The following DNAH10 variants were observed in gnomAD, a reference collection of about 807,000 sequenced individuals.
The protein encoded by DNAH10 is dynein axonemal heavy chain 10, also known as axonemal beta dynein heavy chain 10.
Under a neutral mutation model 506.6 loss-of-function variants are expected in DNAH10, and 348 were observed. The ratio of observed to expected loss-of-function variants is 0.69; its 90% CI spans 0.63 to 0.75. The LOEUF (loss-of-function observed/expected upper bound fraction) is 0.75, where lower values mean the gene tolerates loss of function less well. Ranked by LOEUF, DNAH10 falls within the 30% of genes least tolerant of loss-of-function variation. DNAH10 has a pLI of 0.00. For missense variants in DNAH10, 5,179 were observed against 5,787.1 expected, an observed-to-expected ratio of 0.89 and a Z score of 3.41; for synonymous variants, 2,059 against 2,198.6, an observed-to-expected ratio of 0.94 and a Z score of 1.78.
rs1404135426 is a variant in DNAH10, at chr12:123,907,218, A to G, written c.9816-2043A>G. ...GTTGGGACCTGACCTAGTCATGGTCATGGAGGGCGGAGGGGGCACCTTCTC... is the reference window on the plus strand; with the variant it reads ...GTTGGGACCTGACCTAGTCATGGTCGTGGAGGGCGGAGGGGGCACCTTCTC... On this transcript the variant is annotated intron_variant, in intron 57 of 78. Coordinates refer to ENST00000673944, the MANE Select transcript of DNAH10 (RefSeq NM_001372106.1). The surrounding 1 kb of genome is among the most constrained non-coding windows in gnomAD (Gnocchi z 4.4). Among the ~76,000 whole-genome samples the G allele has an allele frequency of 3.3e-5, 5 of 152,238 alleles. No individual in the cohort carries two copies. The highest frequency in any genetic ancestry group is 1.3e-4 in the Admixed American group (2 of 15,286).
At chr12:123,874,256 A>AGTCT (rs1187364701) in intron 46 of DNAH10, among the ~76,000 whole-genome samples, 3 of 135,100 alleles carry the variant, frequency 2.2e-5, no homozygotes, top group Non-Finnish European at 4.7e-5. Context: ...GCAAAGCCAG[A>AGTCT]GTCCGTCCGT....
rs139926493 is a variant in DNAH10, at chr12:123,785,356, T to C, written c.1231-390T>C. ...TAATGTGCTTATTGTCAATTTCATATTGTTGGTGAAATGTCTGTTTTAATC... is the reference window on the plus strand; with the variant it reads ...TAATGTGCTTATTGTCAATTTCATACTGTTGGTGAAATGTCTGTTTTAATC... On this transcript the variant is annotated intron_variant, in intron 8 of 78. Transcript: ENST00000673944. This position sits in a 1 kb window ranked among gnomAD's most constrained non-coding sequence, Gnocchi z 4.1. 3.3e-5 allele frequency among the ~76,000 whole-genome samples: 5 copies of C among 152,356 alleles called. No homozygotes were observed. In the East Asian group the frequency reaches 9.6e-4, roughly 29 times the overall value.
chr12:123,797,211 G>A (rs1490858672), intron 13 of DNAH10, among the ~76,000 whole-genome samples: 3 of 151,988 alleles, frequency 2.0e-5, no homozygotes, highest in South Asian at 2.1e-4. Flanking sequence ...TGCCCTCCCC[G>A]ATCCCATCCA....
intron 6 of DNAH10, among the ~76,000 whole-genome samples, chr12:123,781,798 T>C (rs1350954693): frequency 6.6e-6 from 1 of 152,140 alleles, no homozygotes; most frequent in Non-Finnish European, 1.5e-5. Context: ...TTTTTCTTCA[T>C]TGTTTTCTAG....
chr12:123,840,104 C>T (rs1950714589), intron 29 of DNAH10, among the ~76,000 whole-genome samples: 1 of 151,894 alleles, frequency 6.6e-6, no homozygotes, highest in South Asian at 2.1e-4. Flanking sequence ...TACGTAGCAT[C>T]CCTGACCACA....
At chr12:123,870,329 T>C (rs1255795631) in intron 43 of DNAH10, 37 bp from the exon 44 acceptor site, 1 of 1,600,782 alleles carries the variant, frequency 6.2e-7, no homozygotes, top group Non-Finnish European at 8.5e-7. Flanking sequence ...ATTTCCGTGT[T>C]TATGATTCAA....
chr12:123,898,934 G>A, intron 56 of DNAH10, 120 bp downstream of exon 56: 14 of 1,396,478 alleles, frequency 1.0e-5, no homozygotes, highest in Non-Finnish European at 1.3e-5. Flanking sequence ...GGCCGTCCCT[G>A]TGAAACTGCT....
chr12:123,773,141 G>A (rs1158002822), intron 4 of DNAH10, among the ~76,000 whole-genome samples, 199 bp downstream of exon 4: 1 of 152,250 alleles, frequency 6.6e-6, no homozygotes, highest in African/African-American at 2.4e-5. Flanking sequence ...ATAAAGAAAT[G>A]TATTCAGCCA....
At chr12:123,929,218 C>A in intron 70 of DNAH10, 57 bp from the exon 71 acceptor site, 2 of 1,524,972 alleles carry the variant, frequency 1.3e-6, no homozygotes, top group Admixed American at 2.0e-5. Flanking sequence ...TGTGCACACT[C>A]TTCCAAGCTT....
intron 19 of DNAH10, 79 bp from the exon 20 acceptor site, chr12:123,813,085 T>C: frequency 1.0e-6 from 1 of 989,174 alleles, no homozygotes; most frequent in South Asian, 1.7e-5. Flanking sequence ...GCAAGACTTA[T>C]TACTGAATAC....
intron 17 of DNAH10, 112 bp from the exon 18 acceptor site, chr12:123,804,721 T>G (rs542926121): frequency 4.6e-4 from 442 of 956,660 alleles, no homozygotes; most frequent in Admixed American, 9.0e-4. Flanking sequence ...TGGGCTGAGG[T>G]TGGAGGCTGG....
rs780115917 is a variant in DNAH10 at position 123,808,837 on chromosome 12, C to T, written c.3028C>T (p.Pro1010Ser). 6.2e-7 allele frequency: 1 copy of T among 1,614,084 alleles called. No individual in the cohort carries two copies. Among genetic ancestry groups the T allele is most frequent in the Non-Finnish European group, 8.5e-7 (1 of 1,180,004 alleles). The change falls in exon 19 of 79, where the codon CCT (proline) becomes TCT (serine). Residue 1010 changes from proline to serine, a missense_variant. Transcript: ENST00000673944. The part of the protein sequence containing the change: ...SFNSLILGNV[P>S]LFHTETILTA... ...TAATTCTTTGATCCTTGGAAATGTCCCTCTGTTCCACACTGAAACCATTCT... is the reference window on the plus strand; with the variant it reads ...TAATTCTTTGATCCTTGGAAATGTCTCTCTGTTCCACACTGAAACCATTCT...
In DNAH10 at chr12:123,848,824, TCTC is replaced by T. The variant is rs981734772; in HGVS notation, c.6049_6051del (p.Ser2017del). 6.2e-7 allele frequency: 1 copy of T among 1,613,890 alleles called. No homozygotes were observed. Among genetic ancestry groups the T allele is most frequent in the South Asian group, 1.1e-5 (1 of 91,062 alleles). ...ATCGATGCTTCTGTGCTCTCCGTGATCTCCTCCCAGATCCAGACGATCCGAAAT... is the reference window on the plus strand; with the variant it reads ...ATCGATGCTTCTGTGCTCTCCGTGATCTCCCAGATCCAGACGATCCGAAAT... On this transcript the variant is annotated inframe_deletion, in exon 34 of 79. Coordinates refer to ENST00000673944, the MANE Select transcript of DNAH10 (RefSeq NM_001372106.1).
At position 123,783,091 on chromosome 12, in the gene DNAH10, A is replaced by T. The variant is rs11057354; in HGVS notation, c.842-16A>T. 3 of 1,612,402 alleles carry T rather than the reference A, an allele frequency of 1.9e-6. No individual in the cohort carries two copies. The highest frequency in any genetic ancestry group is 1.7e-6 in the Non-Finnish European group (2 of 1,178,752). ...TTCCTGAACGAATGACTGACTGATC[A>T]CTTTTATTTTCCTAGGTGAGATCAA... On this transcript the variant is annotated splice_polypyrimidine_tract_variant and intron_variant, in intron 6 of 78. Transcript: ENST00000673944.
chr12:123,893,119 C>T, intron 52 of DNAH10, 114 bp from the exon 53 acceptor site: 2 of 1,139,346 alleles, frequency 1.8e-6, no homozygotes, highest in Non-Finnish European at 2.5e-6. Context: ...CCACACGCTG[C>T]TCTCTGGACT....
At position 123,873,542 on chromosome 12, in the gene DNAH10, T is replaced by C; in HGVS notation, c.7786-16T>C. ...GGGAAAAAGCTGGCTTTTCACATCATCTCTTTCTGCTTCAGATTGTGTTAA... is the reference window on the plus strand; with the variant it reads ...GGGAAAAAGCTGGCTTTTCACATCACCTCTTTCTGCTTCAGATTGTGTTAA... On this transcript the variant is annotated splice_polypyrimidine_tract_variant and intron_variant, in intron 45 of 78. Transcript: ENST00000673944. 1 of 1,593,626 alleles carries C rather than the reference T, an allele frequency of 6.3e-7. No individual in the cohort carries two copies. Among genetic ancestry groups the C allele is most frequent in the African/African-American group, 1.3e-5 (1 of 74,240 alleles).
chr12:123,825,976 T>A (rs1959941299), intron 24 of DNAH10, among the ~76,000 whole-genome samples: 1 of 151,662 alleles, frequency 6.6e-6, no homozygotes, highest in Non-Finnish European at 1.5e-5. Context: ...AAATAAAAAA[T>A]ATCCAGGCCT....
In DNAH10 at chr12:123,851,095, G is replaced by T. The variant is rs770844089; in HGVS notation, c.6291+19G>T. On this transcript the variant is annotated intron_variant, in intron 35 of 78. Coordinates refer to ENST00000673944, the MANE Select transcript of DNAH10 (RefSeq NM_001372106.1). Reference sequence around the variant, plus strand: ...GGCCAAGGTGGGGGGCCTTGGCAGCGCCAGGTCGTGCAGTGCAGACTTCAC... The same window carrying T: ...GGCCAAGGTGGGGGGCCTTGGCAGCTCCAGGTCGTGCAGTGCAGACTTCAC... 6.3e-7 allele frequency: 1 copy of T among 1,580,682 alleles called. No homozygotes were observed. Among genetic ancestry groups the T allele is most frequent in the African/African-American group, 1.3e-5 (1 of 74,418 alleles).
chr12:123,839,369 G>A (rs113725019), intron 29 of DNAH10, among the ~76,000 whole-genome samples: 3 of 152,068 alleles, frequency 2.0e-5, no homozygotes, highest in Non-Finnish European at 2.9e-5. Flanking sequence ...TGTGATCTTC[G>A]GCAAGTTCCT....
Sources: gnomAD v4.1 joint callset for allele counts (sites outside exome capture counted in the v4.1 genomes callset) on GRCh38, gnomAD v4.1.1 for gene constraint, Gnocchi (gnomAD v3.1) non-coding constraint, MANE v1.5 for transcripts, NCBI Gene and HGNC (gene_info 2026-07-23, HGNC 2026-07-21) for gene names.